The following ARHGAP15 variants were observed in gnomAD, a reference collection of about 807,000 sequenced individuals.
ARHGAP15 encodes rho GTPase-activating protein 15.
Under a neutral mutation model 63.7 loss-of-function variants are expected in ARHGAP15, and 51 were observed. The ratio of observed to expected loss-of-function variants is 0.80; its 90% CI spans 0.64 to 1.01. The LOEUF (loss-of-function observed/expected upper bound fraction) is 1.01, where lower values mean the gene tolerates loss of function less well. Among genes scored for constraint, ARHGAP15 ranks in the 50% least tolerant of loss-of-function variants. The pLI, the probability that ARHGAP15 is intolerant of heterozygous loss-of-function variation, is 0.00. For missense variants in ARHGAP15, 560 were observed against 564.6 expected (o/e 0.99, Z 0.08); for synonymous variants, 191 against 193.8 (o/e 0.99, Z 0.12).
chr2:143,455,464 T>A (rs188933380), intron 8 of ARHGAP15, among the ~76,000 whole-genome samples: 7 of 152,170 alleles, frequency 4.6e-5, no homozygotes, highest in Admixed American at 3.3e-4. Flanking sequence ...ACTAAGAATA[T>A]CTTAAACTCT....
chr2:143,359,637 G>A (rs927182171), intron 6 of ARHGAP15, among the ~76,000 whole-genome samples: 12 of 152,180 alleles, frequency 7.9e-5, no homozygotes, highest in Non-Finnish European at 2.9e-5. Context: ...CAAGAAATGT[G>A]CCTTGATAGG....
intron 6 of ARHGAP15, among the ~76,000 whole-genome samples, chr2:143,313,994 T>TAGCCTCC (rs1189493208): frequency 7.6e-4 from 116 of 152,132 alleles, no homozygotes; most frequent in Admixed American, 1.2e-3. Context: ...TTTTTACATT[T>TAGCCTCC]AGCCTCCAGC....
At chr2:143,267,089 G>A (rs1681035826) in intron 6 of ARHGAP15, among the ~76,000 whole-genome samples, 1 of 152,130 alleles carries the variant, frequency 6.6e-6, no homozygotes, top group Admixed American at 6.6e-5. Context: ...AGCCAACAAA[G>A]CACAAATGCA....
chr2:143,257,602 G>T (rs751422295), intron 6 of ARHGAP15, among the ~76,000 whole-genome samples: 1 of 152,110 alleles, frequency 6.6e-6, no homozygotes, highest in Non-Finnish European at 1.5e-5. Context: ...ATCATATTGT[G>T]AATCCCTTCC....
chr2:143,304,569 G>A (rs545541051), intron 6 of ARHGAP15, among the ~76,000 whole-genome samples: 20 of 152,024 alleles, frequency 1.3e-4, no homozygotes, highest in Non-Finnish European at 2.8e-4. Flanking sequence ...AAACCTGCAT[G>A]TTGTGCACAT....
chr2:143,743,203 C>T (rs1686027375), intron 13 of ARHGAP15, among the ~76,000 whole-genome samples: 1 of 152,228 alleles, frequency 6.6e-6, no homozygotes. Flanking sequence ...TTCACTATGT[C>T]ACTGGGCAAC....
intron 1 of ARHGAP15, among the ~76,000 whole-genome samples, chr2:143,152,695 A>G (rs116565295): frequency 1.3e-3 from 199 of 152,162 alleles, no homozygotes; most frequent in African/African-American, 4.7e-3. Flanking sequence ...CTGCAAAATT[A>G]GAAATCCCCA....
At chr2:143,485,140 A>G (rs1187048686) in intron 8 of ARHGAP15, among the ~76,000 whole-genome samples, 2 of 152,202 alleles carry the variant, frequency 1.3e-5, no homozygotes, top group African/African-American at 4.8e-5. Flanking sequence ...TTTGTTACAT[A>G]GGTATACATG....
At chr2:143,161,866 T>C (rs1690312249) in intron 2 of ARHGAP15, among the ~76,000 whole-genome samples, 1 of 151,574 alleles carries the variant, frequency 6.6e-6, no homozygotes, top group Non-Finnish European at 1.5e-5. Flanking sequence ...TGGTGCTGAG[T>C]TCAAGGCAGA....
At chr2:143,407,987 G>GTGTGTGTATATA (rs1357709703) in intron 6 of ARHGAP15, among the ~76,000 whole-genome samples, 1 of 77,422 alleles carries the variant, frequency 1.3e-5, no homozygotes, top group Admixed American at 1.1e-4. Context: ...TTCTGTGTGT[G>GTGTGTGTATATA]TATATATATA....
Position 143,756,517 on chromosome 2 carries a change from T to G in ARHGAP15, c.1245-11472T>G, listed in dbSNP as rs900997520. 1.6e-4 allele frequency among the ~76,000 whole-genome samples: 24 copies of G among 152,180 alleles called. 1 individual carries two copies. The highest frequency in any genetic ancestry group is 1.3e-3 in the Admixed American group (20 of 15,280). On this transcript the variant is annotated intron_variant, in intron 13 of 13. Transcript: ENST00000295095. ...AATGCAGAGCGATGCCTTCCCAGGA[T>G]GTTGATATTATCAGTGGTTATTGGT...
At chr2:143,286,711 C>T (rs1392300878) in intron 6 of ARHGAP15, among the ~76,000 whole-genome samples, 1 of 152,110 alleles carries the variant, frequency 6.6e-6, no homozygotes, top group African/African-American at 2.4e-5. Context: ...GGCAGGAAAT[C>T]ATAAATTTGT....
chr2:143,333,965 C>A (rs562873410), intron 6 of ARHGAP15, among the ~76,000 whole-genome samples: 103 of 152,118 alleles, frequency 6.8e-4, no homozygotes, highest in Admixed American at 1.2e-3. Flanking sequence ...CACCAAAATT[C>A]TTTTGATAAC....
At chr2:143,485,579 G>T (rs552864423) in intron 8 of ARHGAP15, among the ~76,000 whole-genome samples, 8 of 151,940 alleles carry the variant, frequency 5.3e-5, no homozygotes, top group African/African-American at 1.9e-4. Flanking sequence ...TCAGTTTAAG[G>T]CAATGATCAT....
At chr2:143,597,720 G>A (rs566178634) in intron 11 of ARHGAP15, among the ~76,000 whole-genome samples, 1 of 152,220 alleles carries the variant, frequency 6.6e-6, no homozygotes, top group South Asian at 2.1e-4. Flanking sequence ...CTTAAGGTCT[G>A]TAGTAAAACA....
chr2:143,420,710 A>G (rs1688882307), intron 6 of ARHGAP15, among the ~76,000 whole-genome samples: 1 of 152,282 alleles, frequency 6.6e-6, no homozygotes, highest in Non-Finnish European at 1.5e-5. Flanking sequence ...CCTATCAGGT[A>G]TCTGCCTGAT....
intron 6 of ARHGAP15, among the ~76,000 whole-genome samples, chr2:143,307,353 G>A (rs1192031906): frequency 2.6e-5 from 4 of 152,040 alleles, no homozygotes; most frequent in Non-Finnish European, 1.5e-5. Context: ...ATTATATTGG[G>A]CATTTATGCC....
chr2:143,178,932 T>G (rs777711247), intron 2 of ARHGAP15, among the ~76,000 whole-genome samples: 3 of 152,238 alleles, frequency 2.0e-5, no homozygotes, highest in African/African-American at 2.4e-5. Context: ...TTTATTTTCT[T>G]TGGCTATGAT....
intron 3 of ARHGAP15, among the ~76,000 whole-genome samples, chr2:143,202,566 G>A (rs779598309): frequency 1.3e-5 from 2 of 151,660 alleles, no homozygotes; most frequent in African/African-American, 4.9e-5. Flanking sequence ...GAGAAGGCAA[G>A]AGGGAGAGTT....
Sources: allele counts gnomAD v4.1 joint callset (sites outside exome capture counted in the v4.1 genomes callset), GRCh38; gene constraint gnomAD v4.1.1; transcripts MANE v1.5; gene names NCBI Gene and HGNC (gene_info 2026-07-23, HGNC 2026-07-21).